The following EXOC4 variants were observed in gnomAD, a reference collection of about 807,000 sequenced individuals.
The protein encoded by EXOC4 is SEC8-like 1.
EXOC4 carries 71 observed loss-of-function variants against 107.2 expected under a neutral mutation model. The observed-to-expected ratio is 0.66, with a 90% CI of 0.55 to 0.81. The LOEUF (loss-of-function observed/expected upper bound fraction) is 0.81, where lower values mean the gene tolerates loss of function less well. Ranked by LOEUF, EXOC4 falls within the 30% of genes least tolerant of loss-of-function variation. The pLI is 0.00. For missense variants in EXOC4, 1,108 were observed against 1,189.6 expected (o/e 0.93, Z 1.01); for synonymous variants, 456 against 441.2 (o/e 1.03, Z -0.42).
intron 17 of EXOC4, among the ~76,000 whole-genome samples, chr7:134,047,177 C>CATT (rs1240787553): frequency 1.3e-5 from 2 of 152,168 alleles, no homozygotes; most frequent in African/African-American, 2.4e-5. Flanking sequence ...TATAGGTTAG[C>CATT]ATTAGCATTT....
chr7:133,256,461 C>T (rs929188587), intron 1 of EXOC4, among the ~76,000 whole-genome samples: 1 of 152,140 alleles, frequency 6.6e-6, no homozygotes, highest in African/African-American at 2.4e-5. Flanking sequence ...TAACATGTAC[C>T]GGGTACCTGC....
chr7:133,512,170 C>T (rs1419221891), intron 9 of EXOC4, among the ~76,000 whole-genome samples: 3 of 152,216 alleles, frequency 2.0e-5, no homozygotes, highest in African/African-American at 7.2e-5. Flanking sequence ...TGGCTCACGC[C>T]TGTAATCCCA....
At chr7:133,647,647 C>G (rs1291373983) in intron 10 of EXOC4, among the ~76,000 whole-genome samples, 2 of 152,022 alleles carry the variant, frequency 1.3e-5, no homozygotes, top group Non-Finnish European at 2.9e-5. Flanking sequence ...AGAGGAGGCT[C>G]AAAGGCTCGA....
intron 7 of EXOC4, among the ~76,000 whole-genome samples, chr7:133,458,159 T>C: frequency 6.6e-6 from 1 of 152,214 alleles, no homozygotes; most frequent in Admixed American, 6.5e-5. Context: ...TACGCAGCTA[T>C]TCATCTCATT....
chr7:133,330,261 C>T (rs562026534), intron 5 of EXOC4, among the ~76,000 whole-genome samples: 3 of 152,078 alleles, frequency 2.0e-5, no homozygotes, highest in Non-Finnish European at 2.9e-5. Flanking sequence ...CAATGGCAGA[C>T]GCCCCTCCCC....
chr7:134,073,230 A>AAAAAAAAAAAAAAAAAAC, the EXOC4 span, among the ~76,000 whole-genome samples: 10 of 18,428 alleles, frequency 5.4e-4, no homozygotes, highest in African/African-American at 2.7e-3. Context: ...AAAAAAAAAA[A>AAAAAAAAAAAAAAAAAAC]AACAACAAAG....
intron 11 of EXOC4, among the ~76,000 whole-genome samples, chr7:133,825,822 A>G (rs1219610698): frequency 6.6e-6 from 1 of 152,140 alleles, no homozygotes; most frequent in Non-Finnish European, 1.5e-5. Flanking sequence ...CATTAGGTTG[A>G]AAAGAGAACT....
chr7:134,009,596 G>A (rs1258045449), intron 17 of EXOC4, among the ~76,000 whole-genome samples: 1 of 152,118 alleles, frequency 6.6e-6, no homozygotes, highest in Admixed American at 6.5e-5. Flanking sequence ...TCAGATTAGG[G>A]AAACCAGGTG....
At chr7:133,482,585 A>G (rs1474727803) in intron 9 of EXOC4, among the ~76,000 whole-genome samples, 2 of 152,076 alleles carry the variant, frequency 1.3e-5, no homozygotes, top group African/African-American at 2.4e-5. Flanking sequence ...TCTGGGCCCA[A>G]GTCACCTCCA....
intron 7 of EXOC4, among the ~76,000 whole-genome samples, chr7:133,466,029 C>A (rs1195043936): frequency 6.6e-6 from 1 of 151,624 alleles, no homozygotes; most frequent in East Asian, 1.9e-4. Flanking sequence ...CCCAACTACT[C>A]AGGAGGTTGA....
intron 10 of EXOC4, among the ~76,000 whole-genome samples, chr7:133,717,450 ACC>A (rs1404493338): frequency 6.6e-6 from 1 of 151,932 alleles, no homozygotes; most frequent in African/African-American, 2.4e-5. Context: ...CCGCCCCCCA[ACC>A]CGTGAGGTCC....
intron 14 of EXOC4, among the ~76,000 whole-genome samples, chr7:133,970,759 T>G (rs547330455): frequency 6.6e-6 from 1 of 152,248 alleles, no homozygotes; most frequent in East Asian, 1.9e-4. Context: ...TTGATCTCGC[T>G]GGGAGCTACC....
chr7:133,773,461 G>GTTT (rs1796284795), intron 10 of EXOC4, among the ~76,000 whole-genome samples: 3 of 142,298 alleles, frequency 2.1e-5, no homozygotes, highest in South Asian at 4.3e-4. Flanking sequence ...TATTTACTAG[G>GTTT]TTTTTATTAT....
chr7:133,755,454 C>T (rs1343889153), intron 10 of EXOC4, among the ~76,000 whole-genome samples: 3 of 148,460 alleles, frequency 2.0e-5, no homozygotes, highest in Non-Finnish European at 4.5e-5. Flanking sequence ...AGCGATTCTC[C>T]TGCCTCAGCC....
intron 6 of EXOC4, among the ~76,000 whole-genome samples, chr7:133,361,078 A>G (rs1796125375): frequency 6.6e-6 from 1 of 152,192 alleles, no homozygotes; most frequent in Non-Finnish European, 1.5e-5. Context: ...GTTGATTGCA[A>G]GAATAAATTC....
chr7:133,621,559 C>T (rs1802330773), intron 9 of EXOC4, among the ~76,000 whole-genome samples: 2 of 152,186 alleles, frequency 1.3e-5, no homozygotes, highest in Admixed American at 1.3e-4. Flanking sequence ...GTTCTTTTTA[C>T]TTCAAAACAT....
chr7:133,446,015 T>TAAA (rs5887629), intron 7 of EXOC4, among the ~76,000 whole-genome samples: 3 of 141,906 alleles, frequency 2.1e-5, no homozygotes, highest in Non-Finnish European at 3.0e-5. Flanking sequence ...AACCCTGTCT[T>TAAA]AAAAAAAAAA....
chr7:133,264,983 T>G (rs1793690988), intron 1 of EXOC4, among the ~76,000 whole-genome samples: 1 of 152,186 alleles, frequency 6.6e-6, no homozygotes, highest in African/African-American at 2.4e-5. Context: ...AAACTGACTG[T>G]CATACTGTGA....
chr7:133,936,825 A>C (rs559412020), intron 13 of EXOC4, among the ~76,000 whole-genome samples: 47 of 152,000 alleles, frequency 3.1e-4, no homozygotes, highest in African/African-American at 1.1e-3. Context: ...ACGCCTGGCT[A>C]ATTTTTTGTA....
Sources: gnomAD v4.1 joint callset for allele counts (sites outside exome capture counted in the v4.1 genomes callset) on GRCh38, gnomAD v4.1.1 for gene constraint, MANE v1.5 for transcripts, NCBI Gene and HGNC (gene_info 2026-07-23, HGNC 2026-07-21) for gene names.